SPTBN1: variants seen among roughly 807,000 people sequenced by gnomAD.
The protein encoded by SPTBN1 is spectrin beta chain, non-erythrocytic 1.
SPTBN1 carries 32 observed loss-of-function variants against 266.4 expected under a neutral mutation model. The observed-to-expected ratio is 0.12, with a 90% CI of 0.09 to 0.16. SPTBN1 has a LOEUF of 0.16. Ranked by LOEUF, SPTBN1 falls within the 10% of genes least tolerant of loss-of-function variation. The pLI, the probability that SPTBN1 is intolerant of heterozygous loss-of-function variation, is 1.00. For synonymous variants in SPTBN1, 1,336 were observed against 1,162.2 expected (o/e 1.15, Z -3.04); for missense variants, 2,296 against 3,067.1 (o/e 0.75, Z 5.94).
chr2:54,500,474 A>C (rs1363814415), intron 1 of SPTBN1, among the ~76,000 whole-genome samples: 1 of 152,046 alleles, frequency 6.6e-6, no homozygotes, highest in East Asian at 1.9e-4. Context: ...GAGGTTTCTA[A>C]AGTTTTTTGT....
chr2:54,621,798 T>C (rs1250751887), intron 8 of SPTBN1, among the ~76,000 whole-genome samples: 4 of 152,198 alleles, frequency 2.6e-5, no homozygotes, highest in Admixed American at 2.6e-4. Flanking sequence ...CCTAATGTCA[T>C]GGGTGTGACA....
rs1677268722 is a variant in SPTBN1 at position 54,612,297 on chromosome 2, C to T, written c.437C>T (p.Thr146Ile). 1 of 1,613,872 alleles carries T rather than the reference C, an allele frequency of 6.2e-7. No individual in the cohort carries two copies. Among genetic ancestry groups the T allele is most frequent in the African/African-American group, 1.3e-5 (1 of 74,938 alleles). ...HDIVDGNHRL[T>I]LGLIWTIILR... ...ATCGTGGATGGAAACCACCGGCTGA[C>T]CCTTGGCCTCATCTGGACCATCATC... The change falls in exon 4 of 36, where the codon ACC becomes ATC. Residue 146 changes from threonine (T) to isoleucine (I), a missense_variant. Transcript: ENST00000356805.
At chr2:54,530,045 C>T (rs1175755864) in intron 2 of SPTBN1, among the ~76,000 whole-genome samples, 1 of 152,000 alleles carries the variant, frequency 6.6e-6, no homozygotes, top group Non-Finnish European at 1.5e-5. Flanking sequence ...TAAAGCGAGA[C>T]ATTTTGCTTA....
intron 1 of SPTBN1, among the ~76,000 whole-genome samples, chr2:54,485,390 A>G (rs868449936): frequency 2.6e-5 from 4 of 152,100 alleles, no homozygotes; most frequent in Admixed American, 1.3e-4. Context: ...ACAGGGTTTC[A>G]CTGTGTTGGC....
intron 1 of SPTBN1, among the ~76,000 whole-genome samples, chr2:54,488,379 C>G (rs982727768): frequency 6.6e-6 from 1 of 152,226 alleles, no homozygotes; most frequent in Non-Finnish European, 1.5e-5. Flanking sequence ...CAGTGACTCT[C>G]TGTTTTCACC....
intron 1 of SPTBN1, among the ~76,000 whole-genome samples, chr2:54,505,494 C>T (rs929273067): frequency 4.6e-5 from 7 of 152,142 alleles, no homozygotes; most frequent in African/African-American, 1.7e-4. Flanking sequence ...CCTCCTAACC[C>T]CTAGCCACTG....
intron 26 of SPTBN1, chr2:54,652,955 T>A (rs1045213681): frequency 6.6e-6 from 1 of 152,212 alleles, no homozygotes; most frequent in Admixed American, 6.5e-5. Context: ...AATATGTAGA[T>A]GTAAGTAGAA....
chr2:54,466,272 G>A (rs976266352), intron 1 of SPTBN1, among the ~76,000 whole-genome samples: 4 of 152,108 alleles, frequency 2.6e-5, no homozygotes, highest in Admixed American at 1.3e-4. Flanking sequence ...ATGAAATTTA[G>A]GATGATATAT....
intron 1 of SPTBN1, among the ~76,000 whole-genome samples, chr2:54,489,074 A>G (rs1033098352): frequency 6.6e-6 from 1 of 151,642 alleles, no homozygotes; most frequent in Non-Finnish European, 1.5e-5. Context: ...TAATCCCAGC[A>G]CTTGGGGAGG....
At chr2:54,611,836 G>A (rs970201515) in intron 3 of SPTBN1, among the ~76,000 whole-genome samples, 1 of 152,028 alleles carries the variant, frequency 6.6e-6, no homozygotes, top group Non-Finnish European at 1.5e-5. Context: ...AAAAAAAATT[G>A]TATGGATGGC....
rs879624280 is a variant in SPTBN1, at chr2:54,525,011, A to G, written c.-47-1361A>G. On this transcript the variant is annotated intron_variant, in intron 1 of 35. Coordinates refer to ENST00000356805, the MANE Select transcript of SPTBN1 (RefSeq NM_003128.3). ...TGCTTTTTGTCCAGCTCCTACCACT[A>G]GGATATAAGCTTCCCTAGAGCCAGG... Among the ~76,000 whole-genome samples, 100 of 152,148 alleles carry G rather than the reference A, an allele frequency of 6.6e-4. 1 individual carries two copies. Among genetic ancestry groups the G allele is most frequent in the Admixed American group, 5.5e-3 (84 of 15,278 alleles).
rs182655517 is a variant in SPTBN1, at chr2:54,616,805, G to C, written c.566+507G>C. 3.4e-3 allele frequency among the ~76,000 whole-genome samples: 510 copies of C among 152,234 alleles called. 2 individuals are homozygous for C. Among genetic ancestry groups the C allele is most frequent in the Middle Eastern group, 0.027 (8 of 294 alleles). On this transcript the variant is annotated intron_variant, in intron 5 of 35. Coordinates refer to ENST00000356805, the MANE Select transcript of SPTBN1 (RefSeq NM_003128.3). ...ATTGTTAGGACTCAACTGATGCTAA[G>C]CCTTCGAGTTCTTAGCAAATTGGTT...
chr2:54,506,219 G>T (rs766037640), intron 1 of SPTBN1, among the ~76,000 whole-genome samples: 1 of 152,132 alleles, frequency 6.6e-6, no homozygotes, highest in African/African-American at 2.4e-5. Context: ...TCTTGGCCCT[G>T]GGACCTTCCC....
chr2:54,463,931 A>G (rs1693499430), intron 1 of SPTBN1, among the ~76,000 whole-genome samples: 1 of 152,262 alleles, frequency 6.6e-6, no homozygotes. Flanking sequence ...ATGAGCAGAT[A>G]GTTTATAAAA....
intron 10 of SPTBN1, among the ~76,000 whole-genome samples, 192 bp downstream of exon 10, chr2:54,623,788 G>C (rs1678148686): frequency 1.3e-5 from 2 of 152,218 alleles, no homozygotes; most frequent in Admixed American, 6.5e-5. Context: ...GCTGCTGGAG[G>C]CTTCAGGGGG....
At position 54,653,247 on chromosome 2, in the gene SPTBN1, T is replaced by C. The variant is rs527278783; in HGVS notation, c.5578-362T>C. 2.5e-4 allele frequency: 45 copies of C among 180,620 alleles called. 1 individual carries two copies. Among genetic ancestry groups the C allele is most frequent in the African/African-American group, 7.3e-4 (31 of 42,314 alleles). 11.2% of individuals were successfully genotyped at this position (180,620 alleles called of 1,614,324 possible). On this transcript the variant is annotated intron_variant, in intron 26 of 35. Coordinates refer to ENST00000356805, the MANE Select transcript of SPTBN1 (RefSeq NM_003128.3). This position sits in a 1 kb window ranked among gnomAD's most constrained non-coding sequence, Gnocchi z 5.1. ...CCCATTCATCATAAAAACATTTATC[T>C]TTACCCCGAGATAGCAGATTAGGTA...
chr2:54,589,523 C>T (rs1427309404), intron 2 of SPTBN1, among the ~76,000 whole-genome samples: 1 of 152,210 alleles, frequency 6.6e-6, no homozygotes. Context: ...CAGACAGTTA[C>T]TAGCAGACAA....
chr2:54,563,474 C>G (rs1310713395), intron 2 of SPTBN1, among the ~76,000 whole-genome samples: 2 of 151,740 alleles, frequency 1.3e-5, no homozygotes, highest in African/African-American at 2.4e-5. Flanking sequence ...AAATGCATTA[C>G]TACCAAGTTT....
rs1672766561 is a variant in SPTBN1, at chr2:54,554,764, T to C, written c.148+28198T>C. ...CTTTTGATCTGTTCCATCCATATCT[T>C]TGAGCCATCTTCCCACTGGCCTTTT... On this transcript the variant is annotated intron_variant, in intron 2 of 35. Coordinates refer to ENST00000356805, the MANE Select transcript of SPTBN1 (RefSeq NM_003128.3). This position sits in a 1 kb window ranked among gnomAD's most constrained non-coding sequence, Gnocchi z 4.5. Among the ~76,000 whole-genome samples the C allele has an allele frequency of 1.3e-5, 2 of 152,170 alleles. No homozygotes were observed. The highest frequency in any genetic ancestry group is 1.3e-4 in the Admixed American group (2 of 15,286).
Sources: gnomAD v4.1 joint callset for allele counts (sites outside exome capture counted in the v4.1 genomes callset) on GRCh38, gnomAD v4.1.1 for gene constraint, Gnocchi (gnomAD v3.1) non-coding constraint, MANE v1.5 for transcripts, NCBI Gene and HGNC (gene_info 2026-07-23, HGNC 2026-07-21) for gene names.